The following GPLD1 variants were observed in gnomAD, a reference collection of about 807,000 sequenced individuals.
The protein encoded by GPLD1 is phosphatidylinositol-glycan-specific phospholipase D.
In GPLD1, 84 loss-of-function variants were observed where a neutral mutation model predicts 112.6. The observed-to-expected ratio is 0.75, with a 90% CI of 0.63 to 0.89. The LOEUF is 0.89. Among genes scored for constraint, GPLD1 ranks in the 40% least tolerant of loss-of-function variants. The probability of loss-of-function intolerance (pLI) is 0.00; values close to 1 mark genes in which losing one functional copy is unlikely to be tolerated. For missense variants in GPLD1, 1,044 were observed against 1,051.5 expected (o/e 0.99, Z 0.10); for synonymous variants, 386 against 403.8 (o/e 0.96, Z 0.53).
rs377672474 is a variant in GPLD1, at chr6:24,466,924, T to C, written c.669A>G (p.Leu223=). Reference sequence around the variant, plus strand: ...ATGACGCCTTTACCTTGGAAACAGCTAGCATCTCACCATACCTGCAAAATA... The same window carrying C: ...ATGACGCCTTTACCTTGGAAACAGCCAGCATCTCACCATACCTGCAAAATA... ...IQFLEMYGEM[L]AVSKLYPTYS... is the part of the protein sequence containing the mutation. The change falls in exon 9 of 25, where the codon CTA becomes CTG. Residue 223 remains leucine, a synonymous_variant. Coordinates refer to ENST00000230036, the MANE Select transcript of GPLD1 (RefSeq NM_001503.4). The C allele has an allele frequency of 1.1e-5, 18 of 1,611,058 alleles. No individual in the cohort carries two copies. The highest frequency in any genetic ancestry group is 1.5e-5 in the Non-Finnish European group (18 of 1,177,314).
chr6:24,435,838 A>AAAAAAAAAAAAAT, intron 22 of GPLD1: 1 of 148,974 alleles, frequency 6.7e-6, no homozygotes, highest in Non-Finnish European at 1.5e-5. Context: ...AAAAAAAAAA[A>AAAAAAAAAAAAAT]AAAAAAAAAG....
chr6:24,445,897 A>T (rs2127329256), intron 18 of GPLD1, 66 bp from the exon 19 acceptor site: 1 of 1,154,268 alleles, frequency 8.7e-7, no homozygotes, highest in Non-Finnish European at 1.3e-6. Context: ...GGTACTCAGG[A>T]GCAAGGAAAG....
chr6:24,470,398 A>G (rs951996728), intron 7 of GPLD1, among the ~76,000 whole-genome samples: 12 of 152,214 alleles, frequency 7.9e-5, no homozygotes, highest in African/African-American at 2.2e-4. Context: ...ACCTAACAAT[A>G]TATCTTCAAA....
intron 20 of GPLD1, among the ~76,000 whole-genome samples, chr6:24,442,002 A>T (rs898879597): frequency 6.7e-6 from 1 of 148,490 alleles, no homozygotes; most frequent in Non-Finnish European, 1.5e-5. Flanking sequence ...AGACACATAC[A>T]TGTATATATA....
At chr6:24,481,870 T>C (rs937292128) in intron 2 of GPLD1, among the ~76,000 whole-genome samples, 1 of 152,200 alleles carries the variant, frequency 6.6e-6, no homozygotes, top group African/African-American at 2.4e-5. Flanking sequence ...CACTTAAAAA[T>C]AGTAATTAAC....
intron 7 of GPLD1, among the ~76,000 whole-genome samples, chr6:24,470,745 C>T (rs1369464358): frequency 1.1e-4 from 16 of 151,796 alleles, no homozygotes; most frequent in South Asian, 2.1e-4. Flanking sequence ...ATTACAGGCA[C>T]GTGCCATCGT....
At chr6:24,464,809 G>A (rs1187160847) in intron 10 of GPLD1, among the ~76,000 whole-genome samples, 1 of 152,184 alleles carries the variant, frequency 6.6e-6, no homozygotes, top group Non-Finnish European at 1.5e-5. Context: ...CGATTCGGGG[G>A]CTGCCCTGTG....
chr6:24,446,986 A>G lies in GPLD1; in HGVS notation c.1679-7T>C. 3.1e-6 allele frequency: 5 copies of G among 1,612,154 alleles called. No individual in the cohort carries two copies. Among genetic ancestry groups the G allele is most frequent in the Non-Finnish European group, 4.2e-6 (5 of 1,178,872 alleles). ...GCCTCCACGTTCAGTTTTTCTAAAG[A>G]AGACAACTCATCCTTTTTACTAATA... On this transcript the variant is annotated splice_polypyrimidine_tract_variant and splice_region_variant and intron_variant, in intron 17 of 24. Transcript: ENST00000230036.
At chr6:24,433,637 C>A (rs1328503294) in intron 22 of GPLD1, 1 of 388,884 alleles carries the variant, frequency 2.6e-6, no homozygotes. Flanking sequence ...GAATTACAGG[C>A]GCCCACCACC....
At chr6:24,457,609 G>A (rs756511836) in intron 12 of GPLD1, among the ~76,000 whole-genome samples, 6 of 152,244 alleles carry the variant, frequency 3.9e-5, no homozygotes, top group East Asian at 1.9e-4. Context: ...CCGGCCAGGC[G>A]TGGTGGCTCA....
In GPLD1 at chr6:24,439,099, C is replaced by T. The variant is rs191679959; in HGVS notation, c.2021-1810G>A. On this transcript the variant is annotated intron_variant, in intron 20 of 24. Transcript: ENST00000230036. ...AGCCCAGCCACATTCCCTTTCTTTTCGTGCCTCCTAAAGGAACCATGAGCT... is the reference window on the plus strand; with the variant it reads ...AGCCCAGCCACATTCCCTTTCTTTTTGTGCCTCCTAAAGGAACCATGAGCT... 2.4e-4 allele frequency among the ~76,000 whole-genome samples: 37 copies of T among 152,234 alleles called. 1 individual carries two copies. The East Asian group carries it at 6.8e-3, about 28-fold the overall frequency.
chr6:24,462,924 C>T, intron 10 of GPLD1, 129 bp from the exon 11 acceptor site: 1 of 680,944 alleles, frequency 1.5e-6, no homozygotes, highest in Non-Finnish European at 2.6e-6. Context: ...CCATACAGGA[C>T]TAATTAAGAG....
At chr6:24,458,524 C>CG (rs5874982) in intron 12 of GPLD1, among the ~76,000 whole-genome samples, 152,288 of 152,290 alleles carry the variant, frequency 1, 76,143 homozygotes, top group Middle Eastern at 1. Flanking sequence ...CTCCCCGGTC[C>CG]GGACCAGCTA....
upstream of GPLD1, among the ~76,000 whole-genome samples, chr6:24,490,834 A>T (rs527915261): frequency 6.6e-6 from 1 of 152,254 alleles, no homozygotes; most frequent in African/African-American, 2.4e-5. Context: ...TGTAAGCTTA[A>T]CACAGCCATG....
intron 7 of GPLD1, among the ~76,000 whole-genome samples, chr6:24,469,207 G>T (rs1169776249): frequency 6.6e-6 from 1 of 150,884 alleles, no homozygotes; most frequent in Non-Finnish European, 1.5e-5. Flanking sequence ...AACCATTGTG[G>T]AAGTCAGTGT....
chr6:24,440,112 C>T (rs1581735128), intron 20 of GPLD1, among the ~76,000 whole-genome samples: 1 of 152,294 alleles, frequency 6.6e-6, no homozygotes, highest in African/African-American at 2.4e-5. Context: ...TTGAAAACCA[C>T]AGGAAAGAGG....
chr6:24,431,304 A>T (rs1411784368), intron 24 of GPLD1, among the ~76,000 whole-genome samples: 1 of 151,922 alleles, frequency 6.6e-6, no homozygotes, highest in African/African-American at 2.4e-5. Flanking sequence ...AGACCTGGTT[A>T]TATATATAAA....
chr6:24,440,623 C>T (rs1040056151), intron 20 of GPLD1, among the ~76,000 whole-genome samples: 5 of 136,462 alleles, frequency 3.7e-5, no homozygotes, highest in Admixed American at 7.6e-5. Flanking sequence ...TGTTGTGGCA[C>T]ATGCCTGTGG....
rs936898395 is a variant in GPLD1, at chr6:24,456,387, C to T, written c.1148+111G>A. ...ACTCCAGCCTGGGTGACAAGTGAGA[C>T]TCTGTCTCAAAAATAAAATAAAATA... On this transcript the variant is annotated intron_variant, in intron 13 of 24. Transcript: ENST00000230036. 2.3e-5 allele frequency: 17 copies of T among 752,502 alleles called. No individual in the cohort carries two copies. In the African/African-American group the frequency reaches 2.7e-4, roughly 12 times the overall value. 46.6% of individuals were successfully genotyped at this position (752,502 alleles called of 1,614,324 possible). A position where few individuals can be genotyped will look rare whatever the true frequency, so the allele number is the denominator to read the frequency against.
Sources: gnomAD v4.1 joint callset for allele counts (sites outside exome capture counted in the v4.1 genomes callset) on GRCh38, gnomAD v4.1.1 for gene constraint, MANE v1.5 for transcripts, NCBI Gene and HGNC (gene_info 2026-07-23, HGNC 2026-07-21) for gene names.